Variants in FMN2 observed in about 807,000 individuals in gnomAD.
FMN2 encodes the protein formin-2.
FMN2 carries 51 observed loss-of-function variants against 142.3 expected under a neutral mutation model. That is an observed-to-expected ratio of 0.36 (90% CI 0.29 to 0.45). The LOEUF is 0.45. FMN2 is among the 20% of genes least tolerant of loss of function. FMN2 has a pLI of 1.00. For missense variants in FMN2, 1,936 were observed against 2,122.8 expected (o/e 0.91, Z 1.73); for synonymous variants, 882 against 869.8 (o/e 1.01, Z -0.25).
At chr1:240,388,339 A>G (rs958616631) in intron 14 of FMN2, among the ~76,000 whole-genome samples, 17 of 152,088 alleles carry the variant, frequency 1.1e-4, no homozygotes, top group African/African-American at 3.4e-4. Flanking sequence ...CGATTATTCA[A>G]AGTTATTAAA....
At chr1:240,199,572 T>A (rs1666051863) in intron 4 of FMN2, among the ~76,000 whole-genome samples, 1 of 152,188 alleles carries the variant, frequency 6.6e-6, no homozygotes, top group East Asian at 1.9e-4. Context: ...TATTATGTGA[T>A]ACGCAAGTGT....
At chr1:240,104,557 A>G (rs1661533621) in intron 1 of FMN2, among the ~76,000 whole-genome samples, 1 of 152,076 alleles carries the variant, frequency 6.6e-6, no homozygotes, top group Admixed American at 6.5e-5. Context: ...GCTTTTATCT[A>G]TTGCTCTCTT....
chr1:240,159,088 A>T (rs1268715185), intron 2 of FMN2, among the ~76,000 whole-genome samples: 1 of 152,092 alleles, frequency 6.6e-6, no homozygotes, highest in Non-Finnish European at 1.5e-5. Flanking sequence ...TATCTAATTG[A>T]TGATAGAATA....
rs1661877554 is a variant in FMN2 at position 240,113,113 on chromosome 1, C to T, written c.1616-10066C>T. Among the ~76,000 whole-genome samples the T allele has an allele frequency of 1.3e-5, 2 of 152,096 alleles. 1 individual carries two copies. The highest frequency in any genetic ancestry group is 3.9e-4 in the East Asian group (2 of 5,180). ...TCATTTATTGGTGTGGTTGACATGTCTGTCTAGGAACAGTGATTTGACCAA... is the reference window on the plus strand; with the variant it reads ...TCATTTATTGGTGTGGTTGACATGTTTGTCTAGGAACAGTGATTTGACCAA... On this transcript the variant is annotated intron_variant, in intron 1 of 17. Coordinates refer to ENST00000319653, the MANE Select transcript of FMN2 (RefSeq NM_020066.5).
intron 1 of FMN2, among the ~76,000 whole-genome samples, chr1:240,122,869 A>AT (rs1396323731): frequency 6.6e-6 from 1 of 152,196 alleles, no homozygotes; most frequent in Non-Finnish European, 1.5e-5. Flanking sequence ...CCTGGGCAAC[A>AT]TAGCAAGACC....
At chr1:240,284,246 T>C (rs1669508696) in intron 7 of FMN2, among the ~76,000 whole-genome samples, 2 of 152,154 alleles carry the variant, frequency 1.3e-5, no homozygotes, top group African/African-American at 2.4e-5. Context: ...ATGTGGGTAA[T>C]TGTCAGGATT....
chr1:240,300,864 GCTATT>G (rs1356815560), intron 8 of FMN2, among the ~76,000 whole-genome samples: 1 of 147,748 alleles, frequency 6.8e-6, no homozygotes, highest in African/African-American at 2.5e-5. Context: ...TATTTAAATA[GCTATT>G]CTATTCTTTT....
intron 8 of FMN2, among the ~76,000 whole-genome samples, chr1:240,322,372 T>C (rs761209839): frequency 6.6e-6 from 1 of 152,178 alleles, no homozygotes; most frequent in Non-Finnish European, 1.5e-5. Flanking sequence ...CCTGAGATTT[T>C]TATGATTCTA....
intron 4 of FMN2, among the ~76,000 whole-genome samples, chr1:240,202,725 A>T (rs1666174220): frequency 6.6e-6 from 1 of 152,106 alleles, no homozygotes; most frequent in Non-Finnish European, 1.5e-5. Flanking sequence ...CAGCCTCGGA[A>T]AGTGCTGGGA....
intron 16 of FMN2, among the ~76,000 whole-genome samples, chr1:240,465,330 C>CTGTGTG (rs58873062): frequency 1.3e-4 from 17 of 131,580 alleles, no homozygotes; most frequent in Admixed American, 3.1e-4. Context: ...ATGCCTCCCT[C>CTGTGTG]TGTGTGTGTG....
intron 7 of FMN2, among the ~76,000 whole-genome samples, chr1:240,292,088 C>T (rs188041846): frequency 2.6e-5 from 4 of 152,232 alleles, no homozygotes; most frequent in East Asian, 1.9e-4. Flanking sequence ...TAGTTTAGTT[C>T]GATTCCATGT....
chr1:240,104,196 A>G (rs1015182066), intron 1 of FMN2, among the ~76,000 whole-genome samples: 1 of 149,684 alleles, frequency 6.7e-6, no homozygotes, highest in Non-Finnish European at 1.5e-5. Context: ...GTTATATAGC[A>G]TATATAAGCT....
At chr1:240,278,944 C>G (rs1481981077) in intron 7 of FMN2, among the ~76,000 whole-genome samples, 1 of 152,064 alleles carries the variant, frequency 6.6e-6, no homozygotes, top group East Asian at 1.9e-4. Context: ...GGAGAAAGTT[C>G]CTAAATTTTA....
chr1:240,328,438 G>T (rs1297321815), intron 8 of FMN2, among the ~76,000 whole-genome samples: 1 of 151,706 alleles, frequency 6.6e-6, no homozygotes, highest in African/African-American at 2.4e-5. Context: ...AATAACAAAG[G>T]AAAACTATTG....
At chr1:240,202,376 T>G (rs922849207) in intron 4 of FMN2, among the ~76,000 whole-genome samples, 2 of 152,174 alleles carry the variant, frequency 1.3e-5, no homozygotes, top group Admixed American at 1.3e-4. Context: ...CTGTTACCAC[T>G]AACTTGGGTG....
intron 2 of FMN2, among the ~76,000 whole-genome samples, chr1:240,154,107 CAA>C (rs3047182): frequency 2.2e-4 from 12 of 55,308 alleles, no homozygotes; most frequent in Admixed American, 4.8e-4. Flanking sequence ...GAGATTCCAT[CAA>C]AAAAAAAAAA....
intron 1 of FMN2, among the ~76,000 whole-genome samples, chr1:240,122,186 C>A (rs1662306571): frequency 6.6e-6 from 1 of 152,030 alleles, no homozygotes; most frequent in African/African-American, 2.4e-5. Flanking sequence ...CTCCTGGGTT[C>A]AAGCGATTCT....
intron 3 of FMN2, among the ~76,000 whole-genome samples, chr1:240,187,401 G>T (rs775870639): frequency 1.3e-5 from 2 of 151,824 alleles, no homozygotes; most frequent in Admixed American, 1.3e-4. Flanking sequence ...ATAAACTCTC[G>T]TCTTCACCTT....
intron 8 of FMN2, 53 bp from the exon 9 acceptor site, chr1:240,329,023 A>G: frequency 2.1e-6 from 3 of 1,449,456 alleles, no homozygotes; most frequent in South Asian, 1.2e-5. Flanking sequence ...ATTATTATCT[A>G]AGGGATTCAG....
Sources: gnomAD v4.1 joint callset for allele counts (sites outside exome capture counted in the v4.1 genomes callset) on GRCh38, gnomAD v4.1.1 for gene constraint, MANE v1.5 for transcripts, NCBI Gene and HGNC (gene_info 2026-07-23, HGNC 2026-07-21) for gene names.